The following G3BP2 variants were observed in gnomAD, a reference collection of about 807,000 sequenced individuals.
The protein encoded by G3BP2 is ras GTPase-activating protein-binding protein 2.
Under a neutral mutation model 56.7 loss-of-function variants are expected in G3BP2, and 11 were observed. That is an observed-to-expected ratio of 0.19 (90% CI 0.12 to 0.32). G3BP2 has a LOEUF of 0.32. Ranked by LOEUF, G3BP2 falls within the 10% of genes least tolerant of loss-of-function variation. The probability of loss-of-function intolerance (pLI) is 1.00; values close to 1 mark genes in which losing one functional copy is unlikely to be tolerated. For synonymous variants in G3BP2, 165 were observed against 191.6 expected (o/e 0.86, Z 1.15); for missense variants, 340 against 610.9 (o/e 0.56, Z 4.67).
chr4:75,688,714 A>C (rs901931261), intron 3 of G3BP2, among the ~76,000 whole-genome samples: 8 of 152,218 alleles, frequency 5.3e-5, no homozygotes, highest in African/African-American at 1.9e-4. Context: ...ATGATCCATA[A>C]AAAGAAATTC....
intron 3 of G3BP2, among the ~76,000 whole-genome samples, chr4:75,715,808 G>A (rs1278231875): frequency 6.6e-6 from 1 of 152,196 alleles, no homozygotes; most frequent in Non-Finnish European, 1.5e-5. Flanking sequence ...TCCTTTCACT[G>A]ATTGGTTTTA....
chr4:75,687,045 T>C (rs919533769), intron 3 of G3BP2, among the ~76,000 whole-genome samples: 3 of 151,992 alleles, frequency 2.0e-5, no homozygotes, highest in African/African-American at 4.8e-5. Context: ...CTAGCCAACA[T>C]AGCAAGACCC....
At chr4:75,652,993 G>A (rs539333402) in intron 8 of G3BP2, among the ~76,000 whole-genome samples, 1 of 151,942 alleles carries the variant, frequency 6.6e-6, no homozygotes, top group Admixed American at 6.6e-5. Flanking sequence ...TCTTCATATG[G>A]GTAGAAAAGC....
At position 75,697,273 on chromosome 4, in the gene G3BP2, C is replaced by CAAAAAAAAAAAAAAAAAAA. The variant is rs869037819; in HGVS notation, c.-25+23585_-25+23603dup. On this transcript the variant is annotated intron_variant, in intron 3 of 3. Coordinates refer to the G3BP2 transcript ENST00000499709. ...TGGCTGACAGAGCGAGACTCTGTCT[C>CAAAAAAAAAAAAAAAAAAA]AAAAAAAAAAAAAAAAAAAAAAAAA... 1.5e-3 allele frequency among the ~76,000 whole-genome samples: 44 copies of CAAAAAAAAAAAAAAAAAAA among 28,810 alleles called. 2 individuals carry two copies. The highest frequency in any genetic ancestry group is 3.3e-3 in the South Asian group (1 of 302). The allele number at this position is 28,810 out of a possible 152,430, so 18.9% of individuals were successfully genotyped here.
At chr4:75,702,855 A>C (rs1719400711) in intron 3 of G3BP2, among the ~76,000 whole-genome samples, 1 of 152,178 alleles carries the variant, frequency 6.6e-6, no homozygotes, top group East Asian at 1.9e-4. Context: ...ATATCAACAG[A>C]AGGAGTCAGT....
At chr4:75,716,899 A>G (rs1719950861) in intron 3 of G3BP2, among the ~76,000 whole-genome samples, 1 of 152,170 alleles carries the variant, frequency 6.6e-6, no homozygotes, top group African/African-American at 2.4e-5. Flanking sequence ...GGCCAAACAG[A>G]AGACTTCTCT....
At chr4:75,663,084 T>A (rs1732697788) in intron 1 of G3BP2, among the ~76,000 whole-genome samples, 1 of 152,216 alleles carries the variant, frequency 6.6e-6, no homozygotes, top group South Asian at 2.1e-4. Flanking sequence ...ATACTGTTTA[T>A]AATAAATGAA....
intron 1 of G3BP2, among the ~76,000 whole-genome samples, chr4:75,663,630 G>C (rs554163436): frequency 4.6e-4 from 70 of 151,858 alleles, no homozygotes; most frequent in Non-Finnish European, 4.1e-4. Context: ...TGGGAGGCAA[G>C]GCGGGTGGAT....
chr4:75,674,718 A>ATATATATATATATATTTTT (rs1241041465), upstream of G3BP2, among the ~76,000 whole-genome samples: 1 of 71,430 alleles, frequency 1.4e-5, no homozygotes, highest in African/African-American at 5.9e-5. Flanking sequence ...ATATATATAT[A>ATATATATATATATATTTTT]TTTTTTTTTT....
At chr4:75,654,948 T>C in intron 7 of G3BP2, 118 bp downstream of exon 7, 1 of 697,198 alleles carries the variant, frequency 1.4e-6, no homozygotes, top group Non-Finnish European at 2.4e-6. Context: ...ACAGCTTCTT[T>C]CATATACATA....
chr4:75,677,518 C>T (rs1733924679), upstream of G3BP2, among the ~76,000 whole-genome samples: 1 of 151,884 alleles, frequency 6.6e-6, no homozygotes, highest in South Asian at 2.1e-4. Flanking sequence ...TTGTGGTAAC[C>T]CGAGATCGCA....
At chr4:75,702,597 G>A (rs923199384) in intron 3 of G3BP2, among the ~76,000 whole-genome samples, 4 of 152,302 alleles carry the variant, frequency 2.6e-5, no homozygotes, top group South Asian at 4.1e-4. Context: ...AGAGGTTAAA[G>A]GAACAGTTTT....
intron 3 of G3BP2, among the ~76,000 whole-genome samples, chr4:75,686,809 T>C (rs1414886375): frequency 6.6e-6 from 1 of 152,222 alleles, no homozygotes; most frequent in Admixed American, 6.5e-5. Context: ...AGCACTTTCA[T>C]CTTAGAATAC....
chr4:75,697,205 C>T (rs959207519), intron 3 of G3BP2, among the ~76,000 whole-genome samples: 4 of 138,490 alleles, frequency 2.9e-5, no homozygotes, highest in Non-Finnish European at 6.1e-5. Flanking sequence ...ACCCAGGAGG[C>T]GGAGCTTGCA....
intron 3 of G3BP2, among the ~76,000 whole-genome samples, chr4:75,700,801 C>G (rs187498896): frequency 9.2e-5 from 14 of 151,410 alleles, no homozygotes; most frequent in Admixed American, 7.2e-4. Context: ...ATTAAGATGA[C>G]CCTTAAAAGG....
chr4:75,658,739 A>G, intron 3 of G3BP2, 104 bp downstream of exon 3: 2 of 774,070 alleles, frequency 2.6e-6, no homozygotes, highest in Non-Finnish European at 4.5e-6. Flanking sequence ...AAAAAAAAAG[A>G]GAAAGAAAGA....
In G3BP2 at chr4:75,644,209, C is replaced by G. The variant is rs1409542139; in HGVS notation, c.*1221G>C. 6.6e-6 allele frequency: 1 copy of G among 152,446 alleles called. No individual in the cohort carries two copies. The highest frequency in any genetic ancestry group is 1.5e-5 in the Non-Finnish European group (1 of 68,010). The allele number at this position is 152,446 out of a possible 1,614,324, so 9.4% of individuals were successfully genotyped here. On this transcript the variant is annotated 3_prime_UTR_variant, in exon 12 of 12. Coordinates refer to ENST00000359707, the MANE Select transcript of G3BP2 (RefSeq NM_203505.3). ...TGTACGTCAAGTTGACTGACTTTTC[C>G]AAGCCCTGAAGTGATATGTTTCAAC... is the stretch of plus-strand genomic sequence containing the variant.
At chr4:75,649,541 C>T (rs749180264) in intron 8 of G3BP2, among the ~76,000 whole-genome samples, 3 of 152,112 alleles carry the variant, frequency 2.0e-5, no homozygotes, top group African/African-American at 4.8e-5. Context: ...ATTACATCGG[C>T]GTCTGCTATT....
At position 75,716,960 on chromosome 4, in the gene G3BP2, T is replaced by C. The variant is rs532032607; in HGVS notation, c.-25+3917A>G. ...TTCTCATCTTCCATCCCTCTGCCCA[T>C]GGACTCCTAAGCTACTGGCAGAAAA... On this transcript the variant is annotated intron_variant, in intron 3 of 3. Coordinates refer to the G3BP2 transcript ENST00000499709. Among the ~76,000 whole-genome samples, 4 of 152,324 alleles carry C rather than the reference T, an allele frequency of 2.6e-5. No homozygotes were observed. In the East Asian group the frequency reaches 5.8e-4, roughly 22 times the overall value.
Sources: gnomAD v4.1 joint callset for allele counts (sites outside exome capture counted in the v4.1 genomes callset) on GRCh38, gnomAD v4.1.1 for gene constraint, MANE v1.5 for transcripts, NCBI Gene and HGNC (gene_info 2026-07-23, HGNC 2026-07-21) for gene names.